UNC79: variants seen among roughly 807,000 people sequenced by gnomAD.
The protein encoded by UNC79 is unc-79 subunit of NALCN channel complex.
Under a neutral mutation model 283.1 loss-of-function variants are expected in UNC79, and 37 were observed. That is an observed-to-expected ratio of 0.13 (90% confidence interval 0.10 to 0.17). The LOEUF (loss-of-function observed/expected upper bound fraction) is 0.17, where lower values mean the gene tolerates loss of function less well. Among genes scored for constraint, UNC79 ranks in the 10% least tolerant of loss-of-function variants. UNC79 has a pLI of 1.00. For synonymous variants in UNC79, 1,107 were observed against 1,200.2 expected, an observed-to-expected ratio of 0.92 and a Z score of 1.61; for missense variants, 2,272 against 3,211.1, an observed-to-expected ratio of 0.71 and a Z score of 7.07.
intron 26 of UNC79, among the ~76,000 whole-genome samples, chr14:93,606,439 T>C (rs2065893545): frequency 6.6e-6 from 1 of 151,876 alleles, no homozygotes; most frequent in Non-Finnish European, 1.5e-5. Flanking sequence ...TAGGGTTCCA[T>C]TTTTGCATTA....
At chr14:93,580,868 G>T (rs1188268928) in intron 19 of UNC79, among the ~76,000 whole-genome samples, 7 of 152,048 alleles carry the variant, frequency 4.6e-5, no homozygotes, top group Admixed American at 3.9e-4. Flanking sequence ...ACCATGCCTG[G>T]CTAATTTTTA....
At chr14:93,575,795 C>T (rs558054385) in intron 17 of UNC79, among the ~76,000 whole-genome samples, 3 of 152,252 alleles carry the variant, frequency 2.0e-5, no homozygotes, top group East Asian at 3.9e-4. Context: ...GTTCTCAGGC[C>T]GTGAGCAGCT....
chr14:93,483,328 C>T lies in UNC79; in HGVS notation c.620-4335C>T, dbSNP rs576058818. On this transcript the variant is annotated intron_variant, in intron 4 of 48. Coordinates refer to ENST00000555664, the Ensembl canonical transcript of UNC79. ...CCATAAAAACATTAAAAATTTTGTG[C>T]TGTCCAGTAGAGTAGCCACTAGCCC... 2.0e-5 allele frequency among the ~76,000 whole-genome samples: 3 copies of T among 152,232 alleles called. No individual in the cohort carries two copies. The East Asian group carries it at 5.8e-4, about 29-fold the overall frequency.
chr14:93,425,035 G>A (rs533669989), intron 1 of UNC79, among the ~76,000 whole-genome samples: 2 of 152,138 alleles, frequency 1.3e-5, no homozygotes, highest in South Asian at 4.2e-4. Flanking sequence ...AATTCACATG[G>A]CAGGTGTATT....
chr14:93,383,484 A>G (rs2139993078), intron 1 of UNC79, among the ~76,000 whole-genome samples: 1 of 152,360 alleles, frequency 6.6e-6, no homozygotes, highest in Admixed American at 6.5e-5. Context: ...AGGTAGGTTT[A>G]CGCTATGCGA....
intron 10 of UNC79, among the ~76,000 whole-genome samples, chr14:93,530,637 C>T (rs1469542699): frequency 2.6e-5 from 4 of 151,748 alleles, no homozygotes; most frequent in Admixed American, 6.6e-5. Context: ...AGGCCGGGCG[C>T]GGTGGCTCAC....
At chr14:93,692,030 C>T in intron 46 of UNC79, 84 bp downstream of exon 49, 1 of 1,481,086 alleles carries the variant, frequency 6.8e-7, no homozygotes, top group South Asian at 1.1e-5. Flanking sequence ...CCTGTTTTCA[C>T]AGATCTCAGT....
At chr14:93,419,073 G>A (rs189406815) in intron 1 of UNC79, among the ~76,000 whole-genome samples, 11 of 151,516 alleles carry the variant, frequency 7.3e-5, no homozygotes, top group African/African-American at 2.7e-4. Context: ...AGATGAACCC[G>A]GTACCTCAGA....
chr14:93,434,751 T>G (rs1397067554), intron 1 of UNC79, among the ~76,000 whole-genome samples: 1 of 152,212 alleles, frequency 6.6e-6, no homozygotes, highest in Non-Finnish European at 1.5e-5. Context: ...ATAGTTGTTG[T>G]GAAGATTAAA....
At chr14:93,528,578 G>A in exon 9 of UNC79, 1 of 1,613,930 alleles carries the variant, frequency 6.2e-7, no homozygotes, top group Non-Finnish European at 8.5e-7. Context: ...ACCCTTCCCT[G>A]TCAGTAGCGT....
intron 32 of UNC79, among the ~76,000 whole-genome samples, chr14:93,639,513 G>T (rs978159981): frequency 6.6e-6 from 1 of 152,192 alleles, no homozygotes; most frequent in African/African-American, 2.4e-5. Context: ...ACATCTTTAT[G>T]AAACAATTGA....
At chr14:93,437,828 C>T (rs1313360302) in intron 1 of UNC79, among the ~76,000 whole-genome samples, 1 of 152,166 alleles carries the variant, frequency 6.6e-6, no homozygotes, top group East Asian at 1.9e-4. Context: ...TCTCCTTCCT[C>T]TTATAAACAC....
At chr14:93,565,719 G>A (rs942065) in intron 14 of UNC79, among the ~76,000 whole-genome samples, 92,076 of 151,982 alleles carry the variant, frequency 0.61, 28,478 homozygotes, top group Admixed American at 0.68. Context: ...AGACGACAGG[G>A]AAGTCCACAG....
At chr14:93,600,445 A>G (rs2065418079) in intron 24 of UNC79, 124 bp from the exon 25 acceptor site, 2 of 625,892 alleles carry the variant, frequency 3.2e-6, no homozygotes, top group Non-Finnish European at 2.7e-6. Flanking sequence ...ATTCTACATT[A>G]TAAGTTTGAA....
chr14:93,666,416 T>C (rs968630825), intron 40 of UNC79, among the ~76,000 whole-genome samples: 1 of 151,904 alleles, frequency 6.6e-6, no homozygotes, highest in Non-Finnish European at 1.5e-5. Context: ...CAAGAAAATT[T>C]AAAAGAAAAA....
At chr14:93,511,114 G>T (rs2059801959) in intron 7 of UNC79, among the ~76,000 whole-genome samples, 1 of 152,126 alleles carries the variant, frequency 6.6e-6, no homozygotes, top group South Asian at 2.1e-4. Flanking sequence ...TGGTGGGGAG[G>T]TGCCACGCAC....
At position 93,538,779 on chromosome 14, in the gene UNC79, G is replaced by T. The variant is rs376534114; in HGVS notation, c.1352+561G>T. 3.6e-5 allele frequency among the ~76,000 whole-genome samples: 5 copies of T among 137,078 alleles called. No individual in the cohort carries two copies. In the East Asian group the frequency reaches 6.6e-4, roughly 18 times the overall value. The allele number at this position is 137,078 out of a possible 152,430, so 89.9% of individuals were successfully genotyped here. On this transcript the variant is annotated intron_variant, in intron 12 of 48. Transcript: ENST00000555664. ...CAGGGACAGGTCCTGCAGGCTACTG[G>T]GTTTTTCTTCTTCTATCACATGACC...
rs1341149794 is a variant in UNC79 at position 93,441,555 on chromosome 14, A to G, written c.22+10504A>G. 1.3e-5 allele frequency among the ~76,000 whole-genome samples: 2 copies of G among 151,968 alleles called. 1 individual carries two copies. The highest frequency in any genetic ancestry group is 2.9e-5 in the Non-Finnish European group (2 of 67,914). On this transcript the variant is annotated intron_variant, in intron 1 of 48. Transcript: ENST00000555664. ...ATTTTTTTCTTTTGGTTAACTTTAT[A>G]CTAAGACTTCTACATAATACTGCTA...
intron 1 of UNC79, among the ~76,000 whole-genome samples, chr14:93,397,635 C>T (rs1233250588): frequency 6.6e-6 from 1 of 151,922 alleles, no homozygotes; most frequent in Non-Finnish European, 1.5e-5. Context: ...TTGCTTGAAC[C>T]CAGGAGTTTG....
Sources: gnomAD v4.1 joint callset for allele counts (sites outside exome capture counted in the v4.1 genomes callset) on GRCh38, gnomAD v4.1.1 for gene constraint, MANE v1.5 for transcripts, NCBI Gene and HGNC (gene_info 2026-07-23, HGNC 2026-07-21) for gene names.